CDH13: variants seen among roughly 807,000 people sequenced by gnomAD.
The protein encoded by CDH13 is cadherin-13.
In CDH13, 24 loss-of-function variants were observed where a neutral mutation model predicts 63.8. The observed-to-expected ratio is 0.38, with a 90% confidence interval of 0.27 to 0.53. CDH13 has a LOEUF of 0.53. CDH13 is among the 20% of genes least tolerant of loss of function. CDH13 has a pLI of 0.85. For missense variants in CDH13, 1,049 were observed against 903.1 expected, an observed-to-expected ratio of 1.16 and a Z score of -2.07; for synonymous variants, 503 against 355.3, an observed-to-expected ratio of 1.42 and a Z score of -4.67.
chr16:83,083,412 C>T (rs6565115), intron 3 of CDH13, among the ~76,000 whole-genome samples: 87,775 of 152,054 alleles, frequency 0.58, 27,028 homozygotes, highest in African/African-American at 0.79. Context: ...CAAGTGAACA[C>T]AATTCCAATC....
At chr16:83,504,807 A>G (rs191593676) in intron 7 of CDH13, among the ~76,000 whole-genome samples, 6 of 152,314 alleles carry the variant, frequency 3.9e-5, no homozygotes, top group Admixed American at 3.3e-4. Context: ...TTAAAAAATA[A>G]CATTTGTTTA....
chr16:83,531,175 A>G (rs992092467), intron 7 of CDH13, among the ~76,000 whole-genome samples: 1 of 152,226 alleles, frequency 6.6e-6, no homozygotes, highest in Non-Finnish European at 1.5e-5. Flanking sequence ...ATCAACGTAC[A>G]TGGCTTGACT....
intron 3 of CDH13, among the ~76,000 whole-genome samples, chr16:83,051,982 T>A (rs1363194065): frequency 6.6e-6 from 1 of 152,150 alleles, no homozygotes; most frequent in Non-Finnish European, 1.5e-5. Context: ...AATTCTCTCA[T>A]GTCATGTGGA....
At chr16:83,108,011 CG>C (rs2034863798) in intron 3 of CDH13, among the ~76,000 whole-genome samples, 2 of 151,936 alleles carry the variant, frequency 1.3e-5, no homozygotes, top group South Asian at 4.2e-4. Context: ...TTAGTAGAGA[CG>C]GGGTTTCACC....
intron 3 of CDH13, among the ~76,000 whole-genome samples, chr16:83,060,139 C>T (rs567568213): frequency 1.3e-5 from 2 of 152,052 alleles, no homozygotes; most frequent in Admixed American, 6.6e-5. Flanking sequence ...TTCAAAAATT[C>T]CCAACTCCTC....
chr16:82,842,102 A>ATATATATG (rs2039036514), intron 1 of CDH13, among the ~76,000 whole-genome samples: 2 of 32,820 alleles, frequency 6.1e-5, no homozygotes, highest in Non-Finnish European at 6.1e-5. Context: ...ATATATATAT[A>ATATATATG]TATATATATG....
intron 1 of CDH13, among the ~76,000 whole-genome samples, chr16:82,633,442 C>G (rs555402255): frequency 6.6e-6 from 1 of 152,192 alleles, no homozygotes; most frequent in East Asian, 1.9e-4. Context: ...TGCGGTGGCG[C>G]GATGTCGGCT....
At chr16:82,982,467 G>A (rs982009476) in intron 2 of CDH13, among the ~76,000 whole-genome samples, 3 of 152,296 alleles carry the variant, frequency 2.0e-5, no homozygotes, top group African/African-American at 7.2e-5. Flanking sequence ...AGCCATAGCG[G>A]AGAATCTGCT....
At chr16:82,887,618 C>T (rs766152904) in intron 2 of CDH13, among the ~76,000 whole-genome samples, 9 of 152,100 alleles carry the variant, frequency 5.9e-5, no homozygotes, top group Non-Finnish European at 1.3e-4. Context: ...GTCAGGAGTT[C>T]GAGACGAGTC....
intron 8 of CDH13, among the ~76,000 whole-genome samples, chr16:83,615,956 G>A (rs7187218): frequency 0.37 from 56,338 of 152,006 alleles, 10,751 homozygotes; most frequent in African/African-American, 0.45. Flanking sequence ...AGGAAGACAC[G>A]AAATCATCAA....
chr16:83,303,237 T>C (rs927056154), intron 5 of CDH13, among the ~76,000 whole-genome samples: 1 of 152,176 alleles, frequency 6.6e-6, no homozygotes, highest in African/African-American at 2.4e-5. Context: ...AAAGAACTAA[T>C]GTTAGGAAGA....
At position 83,126,358 on chromosome 16, in the gene CDH13, G is replaced by C. The variant is rs925385483; in HGVS notation, c.483+857G>C. On this transcript the variant is annotated intron_variant, in intron 4 of 13. Transcript: ENST00000567109. ...TGGATTGCACAATCTAAGCTGACCT[G>C]ATTGGCTACTGTTTAAAATTGAATA... Among the ~76,000 whole-genome samples the C allele has an allele frequency of 6.6e-5, 10 of 152,324 alleles. No individual in the cohort carries two copies. The East Asian group carries it at 9.7e-4, about 15-fold the overall frequency.
intron 1 of CDH13, among the ~76,000 whole-genome samples, chr16:82,743,230 A>G (rs2034012413): frequency 6.6e-6 from 1 of 152,084 alleles, no homozygotes; most frequent in African/African-American, 2.4e-5. Flanking sequence ...CAGTGCTAAT[A>G]TGTTTTTTGT....
At chr16:83,591,319 T>A (rs1166507939) in intron 7 of CDH13, among the ~76,000 whole-genome samples, 3 of 152,236 alleles carry the variant, frequency 2.0e-5, no homozygotes, top group African/African-American at 7.2e-5. Flanking sequence ...CAAAAGCTAA[T>A]GTGGCAAATA....
At chr16:83,154,615 G>A (rs2037130549) in intron 4 of CDH13, among the ~76,000 whole-genome samples, 1 of 151,804 alleles carries the variant, frequency 6.6e-6, no homozygotes, top group Admixed American at 6.6e-5. Context: ...ACCAAGATTA[G>A]GAGGCCGTAG....
At chr16:82,956,569 T>A (rs1184426331) in intron 2 of CDH13, among the ~76,000 whole-genome samples, 1 of 152,152 alleles carries the variant, frequency 6.6e-6, no homozygotes. Flanking sequence ...TCCTCTTGGA[T>A]CATCATTACC....
At chr16:83,460,871 G>A (rs183993377) in intron 6 of CDH13, among the ~76,000 whole-genome samples, 1 of 151,764 alleles carries the variant, frequency 6.6e-6, no homozygotes, top group East Asian at 1.9e-4. Context: ...GGGCATGGCG[G>A]CCCATGCCTA....
intron 2 of CDH13, among the ~76,000 whole-genome samples, chr16:82,894,495 A>T (rs151036338): frequency 2.9e-3 from 443 of 152,254 alleles, no homozygotes; most frequent in Non-Finnish European, 5.1e-3. Context: ...TACAAAAATT[A>T]GCCAGGCATG....
At chr16:83,403,500 G>T (rs1240005943) in intron 6 of CDH13, among the ~76,000 whole-genome samples, 1 of 152,130 alleles carries the variant, frequency 6.6e-6, no homozygotes. Flanking sequence ...GCGCGCGCCT[G>T]TAGTCCCAGC....
Sources: gnomAD v4.1 joint callset for allele counts (sites outside exome capture counted in the v4.1 genomes callset) on GRCh38, gnomAD v4.1.1 for gene constraint, MANE v1.5 for transcripts, NCBI Gene and HGNC (gene_info 2026-07-23, HGNC 2026-07-21) for gene names.